Variants in PRMT8 observed in about 807,000 individuals in gnomAD.
PRMT8 encodes the protein protein arginine methyltransferase 8.
PRMT8 carries 7 observed loss-of-function variants against 47.1 expected under a neutral mutation model. The ratio of observed to expected loss-of-function variants is 0.15; its 90% CI spans 0.08 to 0.28. The LOEUF (loss-of-function observed/expected upper bound fraction) is 0.28. PRMT8 is among the 10% of genes least tolerant of loss of function. PRMT8 has a pLI of 1.00. For missense variants in PRMT8, 237 were observed against 505.4 expected (o/e 0.47, Z 5.09); for synonymous variants, 188 against 186.5 (o/e 1.01, Z -0.07).
In PRMT8 at chr12:3,406,546, A is replaced by C. The variant is rs555742298; in HGVS notation, c.48+25104A>C. Among the ~76,000 whole-genome samples the C allele has an allele frequency of 9.9e-5, 15 of 152,268 alleles. No individual in the cohort carries two copies. In the East Asian group the frequency reaches 2.3e-3, roughly 24 times the overall value. ...GAAATTTCTTCTGTCAGATACCCTA[A>C]ATCATCTCTCTCAAGTTCAAAGTTA... On this transcript the variant is annotated intron_variant, in intron 1 of 9. Coordinates refer to the PRMT8 transcript ENST00000452611.
rs114307986 is a variant in PRMT8 at position 3,554,952 on chromosome 12, C to A, written c.481+1238C>A. On this transcript the variant is annotated intron_variant, in intron 4 of 9. Transcript: ENST00000382622. ...CCTGAGTCCCCAGGCCCAGGTGGTA[C>A]CTGCCTGCACACAACACTACAAACC... is the stretch of plus-strand genomic sequence containing the variant. Among the ~76,000 whole-genome samples, 723 of 152,294 alleles carry A rather than the reference C, an allele frequency of 4.7e-3. 11 individuals are homozygous for A. Among genetic ancestry groups the A allele is most frequent in the African/African-American group, 0.017 (693 of 41,556 alleles).
intron 1 of PRMT8, among the ~76,000 whole-genome samples, chr12:3,522,117 G>A (rs1389668618): frequency 7.0e-6 from 1 of 142,646 alleles, no homozygotes; most frequent in Admixed American, 7.4e-5. Flanking sequence ...GCACTCCTTA[G>A]GATTAAGACA....
rs780410027 is a variant in PRMT8 at position 3,593,221 on chromosome 12, C to T, written c.*39C>T. On this transcript the variant is annotated 3_prime_UTR_variant, in exon 10 of 10. Transcript: ENST00000382622. The surrounding 1 kb of genome is among the most constrained non-coding windows in gnomAD (Gnocchi z 4.8). ...CTGCAGAGAGCAACGAGAAAAGGAA[C>T]TCTCACCTCGATCTGCCGTGCCGTC... 4 of 1,532,458 alleles carry T rather than the reference C, an allele frequency of 2.6e-6. No homozygotes were observed. The highest frequency in any genetic ancestry group is 3.6e-6 in the Non-Finnish European group (4 of 1,109,306). The allele number at this position is 1,532,458 out of a possible 1,614,324, so 94.9% of individuals were successfully genotyped here.
At chr12:3,518,258 C>T (rs540107531) in intron 1 of PRMT8, among the ~76,000 whole-genome samples, 97 of 152,216 alleles carry the variant, frequency 6.4e-4, no homozygotes, top group Non-Finnish European at 1.2e-3. Flanking sequence ...ATTAGAACAA[C>T]GTGAGAAGGA....
chr12:3,589,460 C>T (rs756502067), intron 8 of PRMT8, among the ~76,000 whole-genome samples: 8 of 152,200 alleles, frequency 5.3e-5, no homozygotes, highest in African/African-American at 1.9e-4. Context: ...CTTTCCCACT[C>T]TACCTTCCCA....
At chr12:3,424,460 T>C (rs1864580185) in intron 1 of PRMT8, among the ~76,000 whole-genome samples, 2 of 152,312 alleles carry the variant, frequency 1.3e-5, no homozygotes, top group African/African-American at 2.4e-5. Flanking sequence ...TCATATAGCC[T>C]TTTTTCCAAT....
chr12:3,550,258 G>T lies in PRMT8; in HGVS notation c.417+167G>T. Reference sequence around the variant, plus strand: ...GTGTGACTCTCAGGAAGGGGAGCAGGCTGCCTGTCCCCTGTGCATGGCTCC... The same window carrying T: ...GTGTGACTCTCAGGAAGGGGAGCAGTCTGCCTGTCCCCTGTGCATGGCTCC... On this transcript the variant is annotated intron_variant, in intron 3 of 9. Transcript: ENST00000382622. The surrounding 1 kb of genome is among the most constrained non-coding windows in gnomAD (Gnocchi z 5.1). 2 of 768,548 alleles carry T rather than the reference G, an allele frequency of 2.6e-6. No homozygotes were observed. Among genetic ancestry groups the T allele is most frequent in the Middle Eastern group, 3.9e-4 (1 of 2,538 alleles). 47.6% of individuals were successfully genotyped at this position (768,548 alleles called of 1,614,324 possible).
chr12:3,543,537 C>T (rs962938322), intron 2 of PRMT8, among the ~76,000 whole-genome samples: 10 of 152,162 alleles, frequency 6.6e-5, no homozygotes, highest in Non-Finnish European at 1.3e-4. Context: ...GCAGCCCCAC[C>T]GGCCTGCTGA....
intron 8 of PRMT8, among the ~76,000 whole-genome samples, chr12:3,589,303 TTCTCA>T (rs1427258764): frequency 3.3e-5 from 5 of 152,170 alleles, no homozygotes; most frequent in African/African-American, 1.2e-4. Context: ...TCCTTTCCCT[TTCTCA>T]TCTCATCTCA....
intron 1 of PRMT8, among the ~76,000 whole-genome samples, chr12:3,407,214 C>A (rs1166000231): frequency 6.6e-6 from 1 of 152,074 alleles, no homozygotes; most frequent in East Asian, 1.9e-4. Context: ...GGGTAACCAC[C>A]CTCATGATTT....
intron 1 of PRMT8, among the ~76,000 whole-genome samples, chr12:3,415,724 G>A (rs1306212161): frequency 6.6e-6 from 1 of 152,228 alleles, no homozygotes; most frequent in Non-Finnish European, 1.5e-5. Flanking sequence ...TAACATCCAA[G>A]AGCTGGAAAG....
At position 3,409,120 on chromosome 12, in the gene PRMT8, G is replaced by A. The variant is rs550775684; in HGVS notation, c.48+27678G>A. On this transcript the variant is annotated intron_variant, in intron 1 of 9. Transcript: ENST00000452611. This position sits in a 1 kb window ranked among gnomAD's most constrained non-coding sequence, Gnocchi z 4.4. ...AAACCTACTGTGGCACCTGGGACTTGGGGTGAAGGTTCACTCTCTGTGAAG... is the reference window on the plus strand; with the variant it reads ...AAACCTACTGTGGCACCTGGGACTTAGGGTGAAGGTTCACTCTCTGTGAAG... 6.6e-6 allele frequency among the ~76,000 whole-genome samples: 1 copy of A among 152,224 alleles called. No homozygotes were observed. Among genetic ancestry groups the A allele is most frequent in the South Asian group, 2.1e-4 (1 of 4,818 alleles).
chr12:3,506,696 C>T (rs991801767), intron 1 of PRMT8, among the ~76,000 whole-genome samples: 1 of 152,252 alleles, frequency 6.6e-6, no homozygotes, highest in Middle Eastern at 3.4e-3. Flanking sequence ...AATGGGGGCA[C>T]GGAAGAGAAG....
At chr12:3,522,084 C>A (rs1865887817) in intron 1 of PRMT8, among the ~76,000 whole-genome samples, 2 of 152,040 alleles carry the variant, frequency 1.3e-5, no homozygotes, top group Admixed American at 1.3e-4. Context: ...ACTAAAATGC[C>A]TTTGACCAAA....
At position 3,535,026 on chromosome 12, in the gene PRMT8, T is replaced by C. The variant is rs58561197; in HGVS notation, c.76-5580T>C. Among the ~76,000 whole-genome samples, 177 of 152,364 alleles carry C rather than the reference T, an allele frequency of 1.2e-3. 1 individual carries two copies. Among genetic ancestry groups the C allele is most frequent in the African/African-American group, 4.0e-3 (167 of 41,586 alleles). On this transcript the variant is annotated intron_variant, in intron 1 of 9. Transcript: ENST00000382622. This position sits in a 1 kb window ranked among gnomAD's most constrained non-coding sequence, Gnocchi z 4.7. The stretch of plus-strand genomic sequence containing the variant: ...CAGCGCCTGGGGCGCAGTGGGCCCT[T>C]AGTCAATGTTAGGTCTCATCACCAT...
At chr12:3,532,919 T>C (rs1246127135) in intron 1 of PRMT8, among the ~76,000 whole-genome samples, 1 of 152,140 alleles carries the variant, frequency 6.6e-6, no homozygotes, top group Non-Finnish European at 1.5e-5. Flanking sequence ...TAGACCCCTC[T>C]GCAAGCCCTG....
intron 1 of PRMT8, among the ~76,000 whole-genome samples, chr12:3,505,831 G>A (rs1004845650): frequency 2.6e-5 from 4 of 152,268 alleles, no homozygotes; most frequent in African/African-American, 4.8e-5. Flanking sequence ...ACACTTCCAC[G>A]TGTGGAAACG....
intron 3 of PRMT8, chr12:3,553,123 G>C: frequency 4.9e-6 from 1 of 204,832 alleles, no homozygotes; most frequent in South Asian, 8.4e-5. Context: ...GAAGCGGCGA[G>C]AGCTAACGTG....
chr12:3,435,513 C>CTTCCTTTTTT (rs1864729637), intron 1 of PRMT8, among the ~76,000 whole-genome samples: 1 of 146,590 alleles, frequency 6.8e-6, no homozygotes, highest in African/African-American at 2.5e-5. Context: ...TTTTTTTTTT[C>CTTCCTTTTTT]TTCTTTTTTT....
Sources: gnomAD v4.1 joint callset for allele counts (sites outside exome capture counted in the v4.1 genomes callset) on GRCh38, gnomAD v4.1.1 for gene constraint, Gnocchi (gnomAD v3.1) non-coding constraint, MANE v1.5 for transcripts, NCBI Gene and HGNC (gene_info 2026-07-23, HGNC 2026-07-21) for gene names.